Variants in THSD4 observed in about 807,000 individuals in gnomAD.
THSD4 encodes the protein thrombospondin type 1 domain containing 4, also known as thrombospondin type-1 domain-containing protein 4.
A neutral mutation model predicts 119.0 loss-of-function variants in THSD4; 69 were observed. The ratio of observed to expected loss-of-function variants is 0.58; its 90% CI spans 0.48 to 0.71. The LOEUF is 0.71. Ranked by LOEUF, THSD4 falls within the 30% of genes least tolerant of loss-of-function variation. The pLI is 0.00. For synonymous variants in THSD4, 524 were observed against 540.4 expected (o/e 0.97, Z 0.42); for missense variants, 1,393 against 1,391.1 (o/e 1.00, Z -0.02).
intron 6 of THSD4, among the ~76,000 whole-genome samples, chr15:71,318,484 G>A (rs924070803): frequency 1.3e-5 from 2 of 152,164 alleles, no homozygotes; most frequent in African/African-American, 2.4e-5. Flanking sequence ...TACTCATTAA[G>A]TTCCTAGCCC....
At chr15:71,540,753 GTC>G (rs2048749276) in intron 7 of THSD4, among the ~76,000 whole-genome samples, 1 of 113,786 alleles carries the variant, frequency 8.8e-6, no homozygotes, top group Non-Finnish European at 1.8e-5. Context: ...TTTTAAACGA[GTC>G]TCTGTCACCC....
intron 17 of THSD4, among the ~76,000 whole-genome samples, chr15:71,776,957 A>G (rs1421917973): frequency 1.3e-5 from 2 of 152,322 alleles, no homozygotes; most frequent in East Asian, 3.9e-4. Context: ...CCAAATTTGG[A>G]ACTTCTGATT....
intron 7 of THSD4, among the ~76,000 whole-genome samples, chr15:71,480,458 T>C (rs1171593508): frequency 6.6e-6 from 1 of 152,250 alleles, no homozygotes; most frequent in Non-Finnish European, 1.5e-5. Flanking sequence ...TCCCTATTTT[T>C]TGAAATTTAA....
At chr15:71,530,969 C>T (rs1322873675) in intron 7 of THSD4, among the ~76,000 whole-genome samples, 4 of 150,962 alleles carry the variant, frequency 2.6e-5, no homozygotes, top group African/African-American at 7.3e-5. Context: ...GGGATAGGGG[C>T]AGGGGTGCTA....
chr15:71,551,123 G>A (rs1199353527), intron 7 of THSD4, among the ~76,000 whole-genome samples: 1 of 152,220 alleles, frequency 6.6e-6, no homozygotes, highest in Admixed American at 6.5e-5. Flanking sequence ...CAGAAAGAAT[G>A]AGGTAGCTCT....
chr15:71,309,354 C>T (rs983242099), intron 6 of THSD4, among the ~76,000 whole-genome samples: 13 of 152,136 alleles, frequency 8.5e-5, no homozygotes, highest in African/African-American at 3.1e-4. Flanking sequence ...ATTAGGTTGC[C>T]TGTCTTTTTA....
intron 7 of THSD4, among the ~76,000 whole-genome samples, chr15:71,625,906 G>A (rs1330191444): frequency 2.6e-5 from 4 of 152,246 alleles, no homozygotes; most frequent in East Asian, 1.9e-4. Context: ...AGAGAGTCAC[G>A]GAAGACTTCC....
intron 8 of THSD4, among the ~76,000 whole-genome samples, chr15:71,674,518 T>C (rs191404248): frequency 6.6e-6 from 1 of 152,320 alleles, no homozygotes. Flanking sequence ...GGAGGCATGC[T>C]GTGTGAGGCA....
intron 6 of THSD4, among the ~76,000 whole-genome samples, chr15:71,358,180 A>G (rs1001443569): frequency 3.3e-5 from 5 of 152,164 alleles, no homozygotes; most frequent in Non-Finnish European, 5.9e-5. Flanking sequence ...GAGAGCCTCA[A>G]AGGTGTCTCT....
At position 71,590,778 on chromosome 15, in the gene THSD4, C is replaced by A. The variant is rs753177627; in HGVS notation, c.1153-69752C>A. 2.0e-5 allele frequency among the ~76,000 whole-genome samples: 3 copies of A among 151,814 alleles called. No individual in the cohort carries two copies. In the East Asian group the frequency reaches 5.8e-4, roughly 29 times the overall value. On this transcript the variant is annotated intron_variant, in intron 7 of 17. Transcript: ENST00000261862. ...CAGCACTTTGGGAGGCCAAGGCAGG[C>A]GGATCATGAGGTTAGGAGATCAAGA...
At position 71,716,561 on chromosome 15, in the gene THSD4, G is replaced by GGTGTGTGTGTGTGTGTGTGTGTGT. The variant is rs57999390; in HGVS notation, c.1358-11968_1358-11967insGTGTGTGTGTGTGTGTGTGTGTGT. On this transcript the variant is annotated intron_variant, in intron 8 of 17. Transcript: ENST00000261862. ...TTCCTGTTTGTTTTATAGAGTGTGG[G>GGTGTGTGTGTGTGTGTGTGTGTGT]GTGTGTGTGTGTGTGTGTGTTGGTT... 7.6e-3 allele frequency among the ~76,000 whole-genome samples: 1,105 copies of GGTGTGTGTGTGTGTGTGTGTGTGT among 144,586 alleles called. 16 individuals carry two copies. Among genetic ancestry groups the GGTGTGTGTGTGTGTGTGTGTGTGT allele is most frequent in the Middle Eastern group, 0.024 (7 of 288 alleles). 94.9% of individuals were successfully genotyped at this position (144,586 alleles called of 152,430 possible).
chr15:71,300,082 T>G (rs892996167), intron 6 of THSD4, among the ~76,000 whole-genome samples: 1 of 150,694 alleles, frequency 6.6e-6, no homozygotes, highest in African/African-American at 2.4e-5. Context: ...GCTCAGGGTT[T>G]TGAGACTGCA....
At chr15:71,366,596 T>G (rs2045968959) in intron 6 of THSD4, among the ~76,000 whole-genome samples, 1 of 152,184 alleles carries the variant, frequency 6.6e-6, no homozygotes, top group East Asian at 1.9e-4. Context: ...GCCCGCACTA[T>G]ATGGGCCCTC....
chr15:71,378,013 T>C (rs1427832013), intron 6 of THSD4, among the ~76,000 whole-genome samples: 2 of 152,158 alleles, frequency 1.3e-5, no homozygotes, highest in Admixed American at 6.5e-5. Flanking sequence ...TGTTCAAGGC[T>C]AGCTACTGAG....
chr15:71,341,748 C>A, intron 6 of THSD4: 1 of 867,052 alleles, frequency 1.2e-6, no homozygotes, highest in Non-Finnish European at 2.0e-6. Flanking sequence ...AGGAAAAGAG[C>A]TCTCTCCCTT....
At chr15:71,630,264 A>T (rs2050599422) in intron 7 of THSD4, among the ~76,000 whole-genome samples, 2 of 152,130 alleles carry the variant, frequency 1.3e-5, no homozygotes, top group South Asian at 4.1e-4. Context: ...TATTCCAGGG[A>T]GGGGAAACGG....
chr15:71,530,938 TG>T (rs1048857557), intron 7 of THSD4, among the ~76,000 whole-genome samples: 36 of 38,714 alleles, frequency 9.3e-4, no homozygotes, highest in Non-Finnish European at 1.7e-3. Flanking sequence ...AGAAATTAAA[TG>T]GGGGGCGGGG....
chr15:71,362,005 T>A (rs1191974974), intron 6 of THSD4, among the ~76,000 whole-genome samples: 2 of 152,206 alleles, frequency 1.3e-5, no homozygotes, highest in Non-Finnish European at 2.9e-5. Flanking sequence ...GAACTGGGCG[T>A]GGTGGCTAAT....
At chr15:71,223,417 G>C (rs79837535) in intron 4 of THSD4, among the ~76,000 whole-genome samples, 1 of 152,192 alleles carries the variant, frequency 6.6e-6, no homozygotes, top group Non-Finnish European at 1.5e-5. Flanking sequence ...TGTTACATAG[G>C]AATACTGAAA....
Sources: gnomAD v4.1 joint callset for allele counts (sites outside exome capture counted in the v4.1 genomes callset) on GRCh38, gnomAD v4.1.1 for gene constraint, MANE v1.5 for transcripts, NCBI Gene and HGNC (gene_info 2026-07-23, HGNC 2026-07-21) for gene names.